ZDBF2: variants seen among roughly 807,000 people sequenced by gnomAD.
The protein encoded by ZDBF2 is zinc finger DBF-type containing 2.
Under a neutral mutation model 9.4 loss-of-function variants are expected in ZDBF2, and 6 were observed. That is an observed-to-expected ratio of 0.64 (90% CI 0.35 to 1.27). The LOEUF (loss-of-function observed/expected upper bound fraction) is 1.27. Among genes scored for constraint, ZDBF2 ranks in the 50% most tolerant of loss-of-function variants. ZDBF2 has a pLI of 0.03. For synonymous variants in ZDBF2, 905 were observed against 946.3 expected (o/e 0.96, Z 0.80); for missense variants, 2,697 against 2,766.8 (o/e 0.97, Z 0.57).
intron 2 of ZDBF2, among the ~76,000 whole-genome samples, chr2:206,281,277 G>A (rs1691303511): frequency 6.6e-6 from 1 of 152,142 alleles, no homozygotes; most frequent in Admixed American, 6.5e-5. Flanking sequence ...GGCTAAATTA[G>A]TTGTTCTGAT....
At position 206,308,736 on chromosome 2, in the gene ZDBF2, A is replaced by G; in HGVS notation, c.4208A>G (p.Tyr1403Cys). The change falls in exon 5 of 5, where the codon TAT becomes TGT. Residue 1403 changes from tyrosine (Y) to cysteine (C), a missense_variant. Tyr to Cys is a radical substitution (Grantham distance 194, BLOSUM62 -2). This residue lies in a region of ZDBF2 where 1,783 missense variants were observed against 1,776.5 expected (regional missense o/e 1.00). Transcript: ENST00000374423. ...CATATTTACCTGGAAGATAAGAGCT[A>G]TAAATTAGGTGATTTTGATGTAAGT... ...EDHIYLEDKS[Y>C]KLGDFDVSYA... 2 of 1,613,412 alleles carry G rather than the reference A, an allele frequency of 1.2e-6. No homozygotes were observed. Among genetic ancestry groups the G allele is most frequent in the African/African-American group, 1.3e-5 (1 of 75,032 alleles).
At position 206,307,741 on chromosome 2, in the gene ZDBF2, A is replaced by C. The variant is rs764435895; in HGVS notation, c.3213A>C (p.Lys1071Asn). 12 of 1,613,470 alleles carry C rather than the reference A, an allele frequency of 7.4e-6. No homozygotes were observed. The East Asian group carries it at 2.5e-4, about 33-fold the overall frequency. The change falls in exon 5 of 5, where the codon AAA becomes AAC. Residue 1071 changes from lysine to asparagine, a missense_variant. Lys to Asn is a moderately conservative substitution (Grantham distance 94, BLOSUM62 0). Coordinates refer to ENST00000374423, the MANE Select transcript of ZDBF2 (RefSeq NM_020923.3). ...AAAAACATGTTAATCTGAAGGACAA[A>C]AACAGTAAATCAGGTGATTCTAAAA... is the stretch of plus-strand genomic sequence containing the variant. ...LKEKHVNLKD[K>N]NSKSGDSKIT...
rs1159310166 is a variant in ZDBF2, at chr2:206,306,585, A to G, written c.2057A>G (p.Glu686Gly). 1 of 1,613,668 alleles carries G rather than the reference A, an allele frequency of 6.2e-7. No individual in the cohort carries two copies. The highest frequency in any genetic ancestry group is 1.1e-5 in the South Asian group (1 of 91,070). ...GACCAGTCTCAAGTAGCCGAAATAGAGCGTCAGAAAGTGGATGTTGACCTT... is the reference window on the plus strand; with the variant it reads ...GACCAGTCTCAAGTAGCCGAAATAGGGCGTCAGAAAGTGGATGTTGACCTT... ...LADQSQVAEI[E>G]RQKVDVDLEN... Residue 686 changes from glutamate to glycine, a missense_variant, in exon 5 of 5, where the codon GAG becomes GGG. Coordinates refer to ENST00000374423, the MANE Select transcript of ZDBF2 (RefSeq NM_020923.3).
chr2:206,305,845 G>A lies in ZDBF2; in HGVS notation c.1317G>A (p.Gln439=). 1 of 1,613,212 alleles carries A rather than the reference G, an allele frequency of 6.2e-7. No homozygotes were observed. Among genetic ancestry groups the A allele is most frequent in the Non-Finnish European group, 8.5e-7 (1 of 1,179,564 alleles). ...CCAAGGAAGTACGTACTGATGTACAGTATAAGAATAATAAATCTTATGTTT... is the reference window on the plus strand; with the variant it reads ...CCAAGGAAGTACGTACTGATGTACAATATAAGAATAATAAATCTTATGTTT... ...NLSKEVRTDV[Q]YKNNKSYVSK... is the part of the protein sequence containing the mutation. The change falls in exon 5 of 5, where the codon CAG becomes CAA. Residue 439 remains glutamine, a synonymous_variant. Coordinates refer to ENST00000374423, the MANE Select transcript of ZDBF2 (RefSeq NM_020923.3).
At chr2:206,280,011 G>T (rs766310162) in intron 2 of ZDBF2, among the ~76,000 whole-genome samples, 3 of 152,110 alleles carry the variant, frequency 2.0e-5, no homozygotes, top group Non-Finnish European at 2.9e-5. Flanking sequence ...TGCCATGTTG[G>T]CCAGGCTGTT....
intron 3 of ZDBF2, among the ~76,000 whole-genome samples, chr2:206,285,407 A>G (rs1691549652): frequency 6.6e-6 from 1 of 152,144 alleles, no homozygotes; most frequent in Non-Finnish European, 1.5e-5. Flanking sequence ...GTGATGTTGA[A>G]CATTTTTTAA....
chr2:206,294,592 A>G (rs1692071683), intron 3 of ZDBF2, among the ~76,000 whole-genome samples: 1 of 152,178 alleles, frequency 6.6e-6, no homozygotes, highest in South Asian at 2.1e-4. Context: ...CCCATCACCC[A>G]GCTAGTGAGC....
At chr2:206,282,153 C>T (rs1163796047) in intron 3 of ZDBF2, among the ~76,000 whole-genome samples, 2 of 151,896 alleles carry the variant, frequency 1.3e-5, no homozygotes, top group African/African-American at 4.8e-5. Flanking sequence ...GTACATAATG[C>T]GTGAGATTGT....
chr2:206,274,784 G>A lies in ZDBF2; in HGVS notation c.-265G>A, dbSNP rs922090875. On this transcript the variant is annotated 5_prime_UTR_variant, in exon 1 of 5. Transcript: ENST00000374423. ...CCGCTTCTCGCCTCCGGACCGCAGGGGCCGAAGTCGCCTATTTCTGGCTCC... is the reference window on the plus strand; with the variant it reads ...CCGCTTCTCGCCTCCGGACCGCAGGAGCCGAAGTCGCCTATTTCTGGCTCC... 4 of 152,184 alleles carry A rather than the reference G, an allele frequency of 2.6e-5. No homozygotes were observed. The East Asian group carries it at 7.7e-4, about 29-fold the overall frequency. 9.4% of individuals were successfully genotyped at this position (152,184 alleles called of 1,614,324 possible).
rs1693090163 is a variant in ZDBF2, at chr2:206,310,303, G to A, written c.5775G>A (p.Arg1925=). Reference sequence around the variant, plus strand: ...GCCATCGTCATCCTCCAGCAGAGAGGCCTCCTAAGCAAAAGGGGCGTGTGG... The same window carrying A: ...GCCATCGTCATCCTCCAGCAGAGAGACCTCCTAAGCAAAAGGGGCGTGTGG... The part of the protein sequence containing the change: ...KPCHRHPPAE[R]PPKQKGRVAS... The change falls in exon 5 of 5, where the codon AGG becomes AGA. Residue 1925 remains arginine (R), a synonymous_variant. Transcript: ENST00000374423. The A allele has an allele frequency of 9.3e-6, 15 of 1,613,918 alleles. No homozygotes were observed. Among genetic ancestry groups the A allele is most frequent in the South Asian group, 4.4e-5 (4 of 91,078 alleles).
At position 206,307,290 on chromosome 2, in the gene ZDBF2, A is replaced by G. The variant is rs2105957880; in HGVS notation, c.2762A>G (p.Asn921Ser). Reference protein sequence around the residue: ...PIDSEVSLDYNIIFHSVTGRS... With the variant: ...PIDSEVSLDYSIIFHSVTGRS... ...GATTCTGAAGTAAGTTTGGATTATA[A>G]TATCATTTTTCATTCAGTGACTGGA... Residue 921 changes from asparagine to serine, a missense_variant, in exon 5 of 5, where the codon AAT (asparagine) becomes AGT (serine). This residue lies in a region of ZDBF2 where 1,783 missense variants were observed against 1,776.5 expected (regional missense o/e 1.00). Coordinates refer to ENST00000374423, the MANE Select transcript of ZDBF2 (RefSeq NM_020923.3). The G allele has an allele frequency of 3.1e-6, 5 of 1,609,562 alleles. No homozygotes were observed. The highest frequency in any genetic ancestry group is 2.2e-5 in the East Asian group (1 of 44,850).
chr2:206,290,035 G>T (rs1691807716), intron 3 of ZDBF2, among the ~76,000 whole-genome samples: 1 of 152,144 alleles, frequency 6.6e-6, no homozygotes, highest in African/African-American at 2.4e-5. Flanking sequence ...TTTGTTCATT[G>T]TGCTGGCCAT....
intron 3 of ZDBF2, among the ~76,000 whole-genome samples, chr2:206,289,037 T>C (rs1691749066): frequency 1.3e-5 from 2 of 152,120 alleles, no homozygotes; most frequent in African/African-American, 4.8e-5. Flanking sequence ...TCTAGGGGTC[T>C]AGTCTGGTCT....
Position 206,305,649 on chromosome 2 carries a change from C to T in ZDBF2, c.1121C>T (p.Ala374Val). The T allele has an allele frequency of 6.2e-7, 1 of 1,613,666 alleles. No individual in the cohort carries two copies. The highest frequency in any genetic ancestry group is 8.5e-7 in the Non-Finnish European group (1 of 1,179,776). The change falls in exon 5 of 5, where the codon GCA becomes GTA. Residue 374 changes from alanine to valine, a missense_variant. Around this residue, in one of 3 missense-constraint regions of ZDBF2, gnomAD observed 910 missense variants for 973.6 expected, o/e 0.93. Coordinates refer to ENST00000374423, the MANE Select transcript of ZDBF2 (RefSeq NM_020923.3). Reference sequence around the variant, plus strand: ...TTTGATTGTATCTCTCTTCAGTCAGCATCTGATCAGCCCCAAGAGACTGCA... The same window carrying T: ...TTTGATTGTATCTCTCTTCAGTCAGTATCTGATCAGCCCCAAGAGACTGCA... ...MKFDCISLQS[A>V]SDQPQETAQD...
rs1559157151 is a variant in ZDBF2 at position 206,308,635 on chromosome 2, T to C, written c.4107T>C (p.Asp1369=). The C allele has an allele frequency of 6.2e-7, 1 of 1,612,744 alleles. No individual in the cohort carries two copies. Among genetic ancestry groups the C allele is most frequent in the East Asian group, 2.2e-5 (1 of 44,870 alleles). ...CTTATAGTCCTGAAGAAAGTTCTGATTCCAATGACTCTTTTCAGGCAGCAG... is the reference window on the plus strand; with the variant it reads ...CTTATAGTCCTGAAGAAAGTTCTGACTCCAATGACTCTTTTCAGGCAGCAG... The part of the protein sequence containing the change: ...SNSYSPEESS[D]SNDSFQAAAD... Residue 1369 remains aspartate (D), a synonymous_variant, in exon 5 of 5, where the codon GAT becomes GAC. Coordinates refer to ENST00000374423, the MANE Select transcript of ZDBF2 (RefSeq NM_020923.3).
intron 4 of ZDBF2, among the ~76,000 whole-genome samples, chr2:206,302,857 C>A (rs1337693891): frequency 4.6e-5 from 7 of 151,926 alleles, no homozygotes; most frequent in Admixed American, 4.6e-4. Flanking sequence ...AGACAAATGA[C>A]ATCTCAAATT....
chr2:206,308,939 G>A lies in ZDBF2; in HGVS notation c.4411G>A (p.Val1471Met), dbSNP rs1404830339. ...HLQSEVDQPQ[V>M]SYKEADLQKE... ...TCAGTCAGAAGTTGACCAACCTCAA[G>A]TGTCTTACAAAGAGGCAGACCTTCA... Residue 1471 changes from valine (V) to methionine (M), a missense_variant, in exon 5 of 5, where the codon GTG (valine) becomes ATG (methionine). This residue lies in a region of ZDBF2 where 1,783 missense variants were observed against 1,776.5 expected (regional missense o/e 1.00). Coordinates refer to ENST00000374423, the MANE Select transcript of ZDBF2 (RefSeq NM_020923.3). 13 of 1,613,458 alleles carry A rather than the reference G, an allele frequency of 8.1e-6. No individual in the cohort carries two copies. The highest frequency in any genetic ancestry group is 3.3e-5 in the South Asian group (3 of 91,004).
Position 206,305,527 on chromosome 2 carries a change from C to T in ZDBF2, c.999C>T (p.Phe333=), listed in dbSNP as rs778256565. The change falls in exon 5 of 5, where the codon TTC becomes TTT. Residue 333 remains phenylalanine, a synonymous_variant. Transcript: ENST00000374423. ...EDTIAKNHEE[F]FSNMDCTQEE... is the part of the protein sequence containing the mutation. ...CTATTGCAAAGAACCATGAGGAATT[C>T]TTTTCTAACATGGATTGTACCCAAG... The T allele has an allele frequency of 2.1e-5, 34 of 1,613,416 alleles. No individual in the cohort carries two copies. The highest frequency in any genetic ancestry group is 1.6e-4 in the Middle Eastern group (1 of 6,082).
At chr2:206,303,474 G>C (rs536664589) in intron 4 of ZDBF2, among the ~76,000 whole-genome samples, 8 of 152,214 alleles carry the variant, frequency 5.3e-5, no homozygotes, top group African/African-American at 1.7e-4. Flanking sequence ...ATATCATTAG[G>C]TCAGTTGGTT....
Sources: allele counts gnomAD v4.1 joint callset (sites outside exome capture counted in the v4.1 genomes callset), GRCh38; gene constraint gnomAD v4.1.1; regional missense constraint gnomAD v4.1.1; transcripts MANE v1.5; gene names NCBI Gene and HGNC (gene_info 2026-07-23, HGNC 2026-07-21).